The following NTNG1 variants were observed in gnomAD, a reference collection of about 807,000 sequenced individuals.
NTNG1 encodes netrin G1, also known as netrin-G1.
NTNG1 carries 16 observed loss-of-function variants against 54.0 expected under a neutral mutation model. The observed-to-expected ratio is 0.30, with a 90% confidence interval of 0.20 to 0.45. The LOEUF (loss-of-function observed/expected upper bound fraction) is 0.45, where lower values mean the gene tolerates loss of function less well. Among genes scored for constraint, NTNG1 ranks in the 20% least tolerant of loss-of-function variants. The probability of loss-of-function intolerance (pLI) is 1.00; values close to 1 mark genes in which losing one functional copy is unlikely to be tolerated. For synonymous variants in NTNG1, 255 were observed against 263.1 expected, an observed-to-expected ratio of 0.97 and a Z score of 0.30; for missense variants, 530 against 678.7, an observed-to-expected ratio of 0.78 and a Z score of 2.43.
chr1:107,426,453 A>T (rs958841119), intron 5 of NTNG1, among the ~76,000 whole-genome samples: 3 of 151,858 alleles, frequency 2.0e-5, no homozygotes, highest in African/African-American at 7.3e-5. Context: ...AGTTTTGTCC[A>T]CTTTATGGAA....
intron 7 of NTNG1, among the ~76,000 whole-genome samples, chr1:107,453,345 A>G (rs1320279968): frequency 6.6e-6 from 1 of 152,228 alleles, no homozygotes; most frequent in Non-Finnish European, 1.5e-5. Context: ...TTCCTCTAGG[A>G]TATGGATTTT....
intron 2 of NTNG1, among the ~76,000 whole-genome samples, chr1:107,164,907 G>GGGTTCTTATTCCTGACGCTGTGT (rs1208913222): frequency 4.6e-5 from 7 of 152,140 alleles, no homozygotes; most frequent in African/African-American, 1.7e-4. Context: ...GGAGGGGAAG[G>GGGTTCTTATTCCTGACGCTGTGT]GGTTCTTATT....
intron 2 of NTNG1, among the ~76,000 whole-genome samples, chr1:107,263,712 C>G (rs1040270927): frequency 2.0e-5 from 3 of 152,164 alleles, no homozygotes; most frequent in Non-Finnish European, 4.4e-5. Flanking sequence ...CTGAGGCAAT[C>G]CCAGATATTC....
intron 3 of NTNG1, among the ~76,000 whole-genome samples, chr1:107,391,308 A>G (rs1378535196): frequency 6.6e-6 from 1 of 152,186 alleles, no homozygotes; most frequent in Non-Finnish European, 1.5e-5. Flanking sequence ...GTGACCCAAA[A>G]TATATTTGTG....
In NTNG1 at chr1:107,188,478, C is replaced by G. The variant is rs1356612724; in HGVS notation, c.246+39639C>G. On this transcript the variant is annotated intron_variant, in intron 2 of 7. Coordinates refer to ENST00000370068, the MANE Select transcript of NTNG1 (RefSeq NM_001113226.3). The stretch of plus-strand genomic sequence containing the variant: ...TTGAATGAATAAATTCTGAAATGCT[C>G]TCACTGAAAGCTCCAGAATCCAGAT... 5.3e-5 allele frequency among the ~76,000 whole-genome samples: 8 copies of G among 152,276 alleles called. No homozygotes were observed. In the East Asian group the frequency reaches 9.7e-4, roughly 18 times the overall value.
chr1:107,441,202 G>A (rs892618079), intron 7 of NTNG1, among the ~76,000 whole-genome samples: 8 of 150,510 alleles, frequency 5.3e-5, no homozygotes, highest in Non-Finnish European at 8.9e-5. Context: ...TGTTATCAGC[G>A]CCAAAGTAAC....
intron 7 of NTNG1, among the ~76,000 whole-genome samples, chr1:107,453,374 G>T (rs2101497316): frequency 6.6e-6 from 1 of 152,212 alleles, no homozygotes. Context: ...ACTTCATCCA[G>T]AAACTGACAG....
chr1:107,148,530 A>G lies in NTNG1; in HGVS notation c.-64A>G, dbSNP rs1654309334. ...ATGTGTATATATATGTAAACTAGACAAAGATCGCAGATCATAAAGCAAGCT... is the reference window on the plus strand; with the variant it reads ...ATGTGTATATATATGTAAACTAGACGAAGATCGCAGATCATAAAGCAAGCT... On this transcript the variant is annotated 5_prime_UTR_variant, in exon 2 of 8. Transcript: ENST00000370068. The G allele has an allele frequency of 6.6e-7, 1 of 1,516,710 alleles. No homozygotes were observed. The highest frequency in any genetic ancestry group is 2.3e-5 in the East Asian group (1 of 44,316). 94.0% of individuals were successfully genotyped at this position (1,516,710 alleles called of 1,614,324 possible).
intron 7 of NTNG1, among the ~76,000 whole-genome samples, chr1:107,478,846 CA>C (rs962328017): frequency 1.2e-4 from 18 of 152,308 alleles, no homozygotes; most frequent in African/African-American, 4.3e-4. Context: ...AGCCAAAAAA[CA>C]AGAGCTTTTG....
chr1:107,316,062 G>A (rs1433638027), intron 2 of NTNG1, among the ~76,000 whole-genome samples: 3 of 152,150 alleles, frequency 2.0e-5, no homozygotes, highest in Non-Finnish European at 2.9e-5. Context: ...TAAGTTGTGA[G>A]TGCTTGCTTT....
intron 3 of NTNG1, among the ~76,000 whole-genome samples, chr1:107,367,952 G>A (rs1036871024): frequency 2.6e-5 from 4 of 151,858 alleles, no homozygotes; most frequent in Non-Finnish European, 4.4e-5. Context: ...TAGTAGAGAC[G>A]GGGTTTCACC....
At chr1:107,452,671 T>G (rs1676697759) in intron 7 of NTNG1, among the ~76,000 whole-genome samples, 2 of 152,160 alleles carry the variant, frequency 1.3e-5, no homozygotes, top group Admixed American at 1.3e-4. Context: ...AAAGGCAGGA[T>G]GCCCCTTGGG....
chr1:107,245,398 A>T (rs1662129519), intron 2 of NTNG1, among the ~76,000 whole-genome samples: 1 of 152,184 alleles, frequency 6.6e-6, no homozygotes, highest in Non-Finnish European at 1.5e-5. Flanking sequence ...TCAGGAGAAA[A>T]ATCAGAATGT....
At chr1:107,330,296 C>T (rs557788633) in intron 3 of NTNG1, among the ~76,000 whole-genome samples, 1 of 152,242 alleles carries the variant, frequency 6.6e-6, no homozygotes, top group East Asian at 1.9e-4. Flanking sequence ...TATGGAGTCT[C>T]CGTATTAATT....
chr1:107,148,489 G>T lies in NTNG1; in HGVS notation c.-105G>T. On this transcript the variant is annotated 5_prime_UTR_variant, in exon 2 of 8. Transcript: ENST00000370068. ...AAAAAATACAGAGACCTACCTACCCGTACGCATACATACATATGTGTATAT... is the reference window on the plus strand; with the variant it reads ...AAAAAATACAGAGACCTACCTACCCTTACGCATACATACATATGTGTATAT... The T allele has an allele frequency of 9.6e-7, 1 of 1,046,730 alleles. No individual in the cohort carries two copies. The highest frequency in any genetic ancestry group is 1.4e-6 in the Non-Finnish European group (1 of 704,868). 64.8% of individuals were successfully genotyped at this position (1,046,730 alleles called of 1,614,324 possible).
chr1:107,405,536 G>T (rs79709445), intron 4 of NTNG1, among the ~76,000 whole-genome samples: 5,122 of 152,128 alleles, frequency 0.034, 152 homozygotes, highest in East Asian at 0.11. Context: ...TGGTACTAAA[G>T]GAATGAAAAA....
At chr1:107,419,645 C>G (rs1369566764) in intron 5 of NTNG1, among the ~76,000 whole-genome samples, 2 of 146,444 alleles carry the variant, frequency 1.4e-5, no homozygotes, top group East Asian at 3.9e-4. Flanking sequence ...AAAGGCACAT[C>G]TTTGGCTTCC....
rs1043486416 is a variant in NTNG1, at chr1:107,196,100, G to A, written c.246+47261G>A. Among the ~76,000 whole-genome samples, 12 of 151,948 alleles carry A rather than the reference G, an allele frequency of 7.9e-5. No homozygotes were observed. In the South Asian group the frequency reaches 1.9e-3, roughly 24 times the overall value. ...TAGTAGTAGGCACTTGATAACTTTG[G>A]TTTAATGACTTCCTACCTCTCCAAT... On this transcript the variant is annotated intron_variant, in intron 2 of 7. Transcript: ENST00000370068.
At chr1:107,386,163 A>ACT (rs1671974800) in intron 3 of NTNG1, among the ~76,000 whole-genome samples, 2 of 73,786 alleles carry the variant, frequency 2.7e-5, no homozygotes, top group African/African-American at 4.2e-5. Flanking sequence ...ATATATATAT[A>ACT]TATTTTTTTT....
Sources: allele counts gnomAD v4.1 joint callset (sites outside exome capture counted in the v4.1 genomes callset), GRCh38; gene constraint gnomAD v4.1.1; transcripts MANE v1.5; gene names NCBI Gene and HGNC (gene_info 2026-07-23, HGNC 2026-07-21).